The following ASTN1 variants were observed in gnomAD, a reference collection of about 807,000 sequenced individuals.
ASTN1 encodes the protein astrotactin-1.
ASTN1 carries 41 observed loss-of-function variants against 140.7 expected under a neutral mutation model. That is an observed-to-expected ratio of 0.29 (90% CI 0.23 to 0.38). The LOEUF (loss-of-function observed/expected upper bound fraction) is 0.38. ASTN1 is among the 10% of genes least tolerant of loss of function. The pLI is 1.00. For missense variants in ASTN1, 1,479 were observed against 1,678.8 expected (o/e 0.88, Z 2.08); for synonymous variants, 640 against 652.2 (o/e 0.98, Z 0.29).
intron 8 of ASTN1, among the ~76,000 whole-genome samples, chr1:176,999,365 C>G (rs1674610394): frequency 6.6e-6 from 1 of 152,218 alleles, no homozygotes; most frequent in Non-Finnish European, 1.5e-5. Flanking sequence ...CTGATGTCAT[C>G]TTTGATTTTT....
intron 1 of ASTN1, among the ~76,000 whole-genome samples, chr1:177,127,936 T>C (rs567798729): frequency 2.6e-5 from 4 of 152,308 alleles, no homozygotes; most frequent in Admixed American, 6.5e-5. Flanking sequence ...TCCAGAGAGA[T>C]ACAATTTCTT....
chr1:176,946,853 A>T (rs1284862914), intron 12 of ASTN1, among the ~76,000 whole-genome samples: 1 of 152,204 alleles, frequency 6.6e-6, no homozygotes, highest in Non-Finnish European at 1.5e-5. Flanking sequence ...ATAAGTCATT[A>T]ATTGGACCTT....
chr1:177,016,594 A>G (rs1207245778), intron 7 of ASTN1, among the ~76,000 whole-genome samples: 2 of 152,224 alleles, frequency 1.3e-5, no homozygotes, highest in East Asian at 1.9e-4. Context: ...AAAAGAAGAG[A>G]GTACCAGGAG....
At chr1:176,924,465 G>A (rs958625388) in intron 16 of ASTN1, among the ~76,000 whole-genome samples, 1 of 152,060 alleles carries the variant, frequency 6.6e-6, no homozygotes. Context: ...TACATCAACT[G>A]GCTTCAGTTT....
rs1014083268 is a variant in ASTN1, at chr1:176,862,424, G to A, written c.*1860C>T. 9 of 985,290 alleles carry A rather than the reference G, an allele frequency of 9.1e-6. No individual in the cohort carries two copies. The highest frequency in any genetic ancestry group is 5.2e-4 in the Middle Eastern group (1 of 1,936). The allele number at this position is 985,290 out of a possible 1,614,324, so 61.0% of individuals were successfully genotyped here. ...TGCTCTAGCTCCAAAGGCTAAGGGC[G>A]TACTTTCGCCCCTCCTCCTTCCACT... is the stretch of plus-strand genomic sequence containing the variant. On this transcript the variant is annotated 3_prime_UTR_variant, in exon 23 of 23. Transcript: ENST00000361833.
At position 176,861,415 on chromosome 1, in the gene ASTN1, C is replaced by T. The variant is rs1313606149; in HGVS notation, c.*2869G>A. 2.0e-6 allele frequency: 2 copies of T among 985,708 alleles called. No homozygotes were observed. The highest frequency in any genetic ancestry group is 2.4e-6 in the Non-Finnish European group (2 of 829,936). The allele number at this position is 985,708 out of a possible 1,614,324, so 61.1% of individuals were successfully genotyped here. On this transcript the variant is annotated 3_prime_UTR_variant, in exon 23 of 23. Coordinates refer to ENST00000361833, the MANE Select transcript of ASTN1 (RefSeq NM_004319.3). The stretch of plus-strand genomic sequence containing the variant: ...TGGGAGAGTGTTGGTGGGATATAAG[C>T]ACCTCCCTTAAGACCTGTTTGGCAG...
intron 1 of ASTN1, among the ~76,000 whole-genome samples, chr1:177,124,359 A>T (rs1373466538): frequency 1.3e-5 from 2 of 152,186 alleles, no homozygotes; most frequent in African/African-American, 4.8e-5. Flanking sequence ...TTTGAGGCCA[A>T]ATTATTCAAG....
chr1:176,945,730 C>T (rs1263142404), intron 13 of ASTN1, among the ~76,000 whole-genome samples, 196 bp downstream of exon 13: 2 of 152,198 alleles, frequency 1.3e-5, no homozygotes, highest in African/African-American at 4.8e-5. Context: ...ACTGTTAATC[C>T]AAACTAAGCA....
chr1:177,109,565 A>G (rs1680714474), intron 1 of ASTN1, among the ~76,000 whole-genome samples: 2 of 152,210 alleles, frequency 1.3e-5, no homozygotes, highest in Admixed American at 6.5e-5. Context: ...GCAGTATATT[A>G]TCTATAAAAT....
chr1:176,868,592 G>C (rs1032208237), intron 22 of ASTN1, among the ~76,000 whole-genome samples: 6 of 152,160 alleles, frequency 3.9e-5, no homozygotes, highest in Non-Finnish European at 8.8e-5. Flanking sequence ...TGATAAAAAA[G>C]GAGGGCAAAA....
At chr1:176,934,693 A>G (rs1387522449) in intron 15 of ASTN1, among the ~76,000 whole-genome samples, 1 of 152,166 alleles carries the variant, frequency 6.6e-6, no homozygotes, top group African/African-American at 2.4e-5. Flanking sequence ...AAAAAAGCAG[A>G]AACAATTAGC....
chr1:177,052,646 G>T (rs867933736), intron 2 of ASTN1, among the ~76,000 whole-genome samples: 34 of 152,278 alleles, frequency 2.2e-4, no homozygotes, highest in African/African-American at 7.2e-4. Flanking sequence ...CCAATCTCAG[G>T]CTTCTTTGCA....
chr1:176,878,540 C>A (rs1038968457), intron 20 of ASTN1, among the ~76,000 whole-genome samples: 3 of 152,112 alleles, frequency 2.0e-5, no homozygotes, highest in Non-Finnish European at 4.4e-5. Flanking sequence ...ATGCCATATG[C>A]TGATGTTTCA....
At chr1:177,144,387 G>A (rs2102230559) in intron 1 of ASTN1, among the ~76,000 whole-genome samples, 1 of 151,514 alleles carries the variant, frequency 6.6e-6, no homozygotes, top group East Asian at 2.0e-4. Flanking sequence ...TGAGTAGCTG[G>A]GACTACAGGC....
intron 2 of ASTN1, among the ~76,000 whole-genome samples, chr1:177,052,368 G>A (rs942953844): frequency 2.6e-5 from 4 of 152,156 alleles, no homozygotes; most frequent in African/African-American, 9.7e-5. Context: ...GGCACTACGG[G>A]AAGTGGTTTA....
chr1:177,138,995 A>G (rs1326386307), intron 1 of ASTN1, among the ~76,000 whole-genome samples: 3 of 152,240 alleles, frequency 2.0e-5, no homozygotes, highest in Non-Finnish European at 4.4e-5. Flanking sequence ...TCCGCCATGC[A>G]GAAAATTGAG....
intron 20 of ASTN1, among the ~76,000 whole-genome samples, chr1:176,882,116 A>G (rs1668827310): frequency 6.6e-6 from 1 of 152,220 alleles, no homozygotes; most frequent in African/African-American, 2.4e-5. Context: ...TCCAGAGCAC[A>G]GGGAGAAATG....
At chr1:177,144,956 T>C (rs1682657125) in intron 1 of ASTN1, among the ~76,000 whole-genome samples, 1 of 152,146 alleles carries the variant, frequency 6.6e-6, no homozygotes, top group South Asian at 2.1e-4. Flanking sequence ...TCATCATTTT[T>C]AGGGATGTCT....
rs1558142692 is a variant in ASTN1 at position 177,164,535 on chromosome 1, G to A, written c.142C>T (p.Leu48=). The change falls in exon 1 of 23, where the codon CTG becomes TTG. Residue 48 remains leucine, a synonymous_variant. Coordinates refer to ENST00000361833, the MANE Select transcript of ASTN1 (RefSeq NM_004319.3). The stretch of plus-strand genomic sequence containing the variant: ...ATGATGCTCAGGTCGTTCTCGCGCA[G>A]GAAGGGCAGTGCCGACACCGTGATG... ...KSITVSALPF[L]RENDLSIMHS... 6.2e-7 allele frequency: 1 copy of A among 1,613,954 alleles called. No individual in the cohort carries two copies.
Sources: gnomAD v4.1 joint callset for allele counts (sites outside exome capture counted in the v4.1 genomes callset) on GRCh38, gnomAD v4.1.1 for gene constraint, MANE v1.5 for transcripts, NCBI Gene and HGNC (gene_info 2026-07-23, HGNC 2026-07-21) for gene names.